Variants in TAOK1 observed in about 807,000 individuals in gnomAD.
TAOK1 encodes serine/threonine-protein kinase TAO1.
TAOK1 carries 21 observed loss-of-function variants against 138.3 expected under a neutral mutation model. The observed-to-expected ratio is 0.15, with a 90% CI of 0.11 to 0.22. The LOEUF is 0.22. Ranked by LOEUF, TAOK1 falls within the 10% of genes least tolerant of loss-of-function variation. TAOK1 has a pLI of 1.00. For missense variants in TAOK1, 651 were observed against 1,227.7 expected, an observed-to-expected ratio of 0.53 and a Z score of 7.02; for synonymous variants, 361 against 398.4, an observed-to-expected ratio of 0.91 and a Z score of 1.12.
At chr17:29,489,581 T>TAAAA in intron 8 of TAOK1, 83 bp from the exon 9 acceptor site, 1 of 683,360 alleles carries the variant, frequency 1.5e-6, no homozygotes, top group East Asian at 3.7e-5. Context: ...TAAAATCATT[T>TAAAA]AAAAAAAAAA....
chr17:29,455,640 G>A (rs2030358053), intron 2 of TAOK1, among the ~76,000 whole-genome samples: 2 of 150,310 alleles, frequency 1.3e-5, no homozygotes, highest in Non-Finnish European at 2.9e-5. Context: ...TGTTGAAGAA[G>A]TTCCCTTTAT....
chr17:29,518,580 G>T (rs1306796078), intron 16 of TAOK1, among the ~76,000 whole-genome samples: 1 of 152,108 alleles, frequency 6.6e-6, no homozygotes. Context: ...TGTTTCTGTA[G>T]GGTAGGGAGG....
At chr17:29,404,686 A>G (rs904365089) in intron 1 of TAOK1, among the ~76,000 whole-genome samples, 2 of 152,046 alleles carry the variant, frequency 1.3e-5, no homozygotes, top group Non-Finnish European at 2.9e-5. Context: ...GCTACTCAGG[A>G]GGCTGAGGCA....
At chr17:29,482,380 C>G in intron 8 of TAOK1, 92 bp downstream of exon 8, 1 of 1,019,512 alleles carries the variant, frequency 9.8e-7, no homozygotes, top group Non-Finnish European at 1.5e-6. Flanking sequence ...AGATTTTTAT[C>G]TTAAATGTCA....
intron 19 of TAOK1, among the ~76,000 whole-genome samples, chr17:29,535,379 CAG>C (rs1194157832): frequency 1.3e-5 from 2 of 152,048 alleles, no homozygotes; most frequent in Non-Finnish European, 2.9e-5. Context: ...AGATACATTC[CAG>C]AACTCTTGAG....
At chr17:29,499,358 A>T (rs569485821) in intron 12 of TAOK1, among the ~76,000 whole-genome samples, 113 of 150,176 alleles carry the variant, frequency 7.5e-4, no homozygotes, top group Admixed American at 1.1e-3. Context: ...CAGCCTCCTG[A>T]GTAGCTGGAA....
chr17:29,459,431 G>A (rs1380205691), intron 2 of TAOK1, among the ~76,000 whole-genome samples: 1 of 151,446 alleles, frequency 6.6e-6, no homozygotes, highest in Non-Finnish European at 1.5e-5. Context: ...ACAGGCGCCC[G>A]CCCCCACGCC....
Position 29,422,198 on chromosome 17 carries a change from A to G in TAOK1, c.-94-29257A>G, listed in dbSNP as rs535737038. ...AGGCATGAGCCACCACGCCCGGCCT[A>G]TCCTTTTTTTTAATTTATTTTTTGA... On this transcript the variant is annotated intron_variant, in intron 1 of 19. Transcript: ENST00000261716. Among the ~76,000 whole-genome samples the G allele has an allele frequency of 5.0e-5, 6 of 119,558 alleles. No homozygotes were observed. The South Asian group carries it at 8.3e-4, about 17-fold the overall frequency. 78.4% of individuals were successfully genotyped at this position (119,558 alleles called of 152,430 possible).
At chr17:29,425,212 G>A (rs907425207) in intron 1 of TAOK1, among the ~76,000 whole-genome samples, 1 of 152,152 alleles carries the variant, frequency 6.6e-6, no homozygotes, top group African/African-American at 2.4e-5. Context: ...TGGGATTACA[G>A]ACACACACCA....
At chr17:29,524,285 C>T (rs1053251256) in intron 17 of TAOK1, among the ~76,000 whole-genome samples, 1 of 152,104 alleles carries the variant, frequency 6.6e-6, no homozygotes, top group Admixed American at 6.6e-5. Flanking sequence ...TTTAAACCAA[C>T]GTGTCAGCAA....
intron 15 of TAOK1, chr17:29,513,101 A>G (rs549882102): frequency 4.9e-5 from 6 of 122,912 alleles, no homozygotes; most frequent in African/African-American, 1.5e-4. Context: ...TTTAGTTCAT[A>G]TAATTAATTA....
At chr17:29,503,118 C>G (rs541665435) in intron 13 of TAOK1, among the ~76,000 whole-genome samples, 5 of 151,954 alleles carry the variant, frequency 3.3e-5, no homozygotes, top group African/African-American at 9.7e-5. Context: ...GAATGTGGGC[C>G]GGGCACAGTG....
chr17:29,401,662 CTT>C (rs11347757), intron 1 of TAOK1, among the ~76,000 whole-genome samples: 6 of 149,500 alleles, frequency 4.0e-5, no homozygotes, highest in Non-Finnish European at 3.0e-5. Context: ...TTTTTCTTCT[CTT>C]TTTTTTTTTG....
At position 29,547,283 on chromosome 17, in the gene TAOK1, T is replaced by C. The variant is rs546604250; in HGVS notation, c.*4261T>C. On this transcript the variant is annotated 3_prime_UTR_variant, in exon 20 of 20. Coordinates refer to ENST00000261716, the MANE Select transcript of TAOK1 (RefSeq NM_020791.4). ...AAACAGCCAAGAAAGGAATTACTGC[T>C]AAAGCATCTAAGATTCTCCTGAACT... The C allele has an allele frequency of 3.9e-5, 6 of 152,282 alleles. No individual in the cohort carries two copies. The highest frequency in any genetic ancestry group is 1.4e-4 in the African/African-American group (6 of 41,576). The allele number at this position is 152,282 out of a possible 1,614,324, so 9.4% of individuals were successfully genotyped here. A position where few individuals can be genotyped will look rare whatever the true frequency, so the allele number is the denominator to read the frequency against.
At chr17:29,408,860 A>G (rs1292488267) in intron 1 of TAOK1, among the ~76,000 whole-genome samples, 1 of 151,212 alleles carries the variant, frequency 6.6e-6, no homozygotes, top group Admixed American at 6.6e-5. Flanking sequence ...TTACAGGTGC[A>G]TGCCACCACG....
chr17:29,531,929 T>C (rs374761998), intron 18 of TAOK1, among the ~76,000 whole-genome samples: 2 of 151,262 alleles, frequency 1.3e-5, no homozygotes, highest in East Asian at 2.0e-4. Flanking sequence ...GGCACGATCT[T>C]GGCTCACTGC....
rs1391395056 is a variant in TAOK1 at position 29,534,181 on chromosome 17, C to T, written c.2425C>T (p.Leu809=). ...TTTGAAGATGCAGCTGCAGCAGGAA[C>T]TGGAGCTGTTGAATGCGTATCAGAG... ...QVLKMQLQQE[L]ELLNAYQSKI... is the part of the protein sequence containing the mutation. Residue 809 remains leucine, a synonymous_variant, in exon 19 of 20, where the codon CTG becomes TTG. Transcript: ENST00000261716. 1.2e-6 allele frequency: 2 copies of T among 1,613,398 alleles called. No individual in the cohort carries two copies. The highest frequency in any genetic ancestry group is 4.5e-5 in the East Asian group (2 of 44,832).
intron 18 of TAOK1, among the ~76,000 whole-genome samples, chr17:29,533,253 CAG>C (rs1390062070): frequency 6.7e-6 from 1 of 149,626 alleles, no homozygotes; most frequent in Non-Finnish European, 1.5e-5. Context: ...GGCGGCCGGG[CAG>C]AGACGCTCCT....
At position 29,547,967 on chromosome 17, in the gene TAOK1, AG is replaced by A. The variant is rs1290548124; in HGVS notation, c.*4947del. 1.3e-5 allele frequency: 2 copies of A among 152,140 alleles called. No individual in the cohort carries two copies. The highest frequency in any genetic ancestry group is 2.9e-5 in the Non-Finnish European group (2 of 68,006). The allele number at this position is 152,140 out of a possible 1,614,324, so 9.4% of individuals were successfully genotyped here. ...TGCACTTTTATGAAATCACTACAAT[AG>A]GTCTGCATTGGAAATGACTATTAAT... On this transcript the variant is annotated 3_prime_UTR_variant, in exon 20 of 20. Coordinates refer to ENST00000261716, the MANE Select transcript of TAOK1 (RefSeq NM_020791.4).
Sources: gnomAD v4.1 joint callset for allele counts (sites outside exome capture counted in the v4.1 genomes callset) on GRCh38, gnomAD v4.1.1 for gene constraint, MANE v1.5 for transcripts, NCBI Gene and HGNC (gene_info 2026-07-23, HGNC 2026-07-21) for gene names.